HPSE2: variants seen among roughly 807,000 people sequenced by gnomAD.
The protein encoded by HPSE2 is inactive heparanase-2.
HPSE2 carries 38 observed loss-of-function variants against 60.5 expected under a neutral mutation model. The observed-to-expected ratio is 0.63, with a 90% CI of 0.48 to 0.82. The LOEUF (loss-of-function observed/expected upper bound fraction) is 0.82. Among genes scored for constraint, HPSE2 ranks in the 40% least tolerant of loss-of-function variants. The probability of loss-of-function intolerance (pLI) is 0.00; values close to 1 mark genes in which losing one functional copy is unlikely to be tolerated. For missense variants in HPSE2, 713 were observed against 740.4 expected, an observed-to-expected ratio of 0.96 and a Z score of 0.43; for synonymous variants, 295 against 293.2, an observed-to-expected ratio of 1.01 and a Z score of -0.06.
Position 99,011,754 on chromosome 10 carries a change from C to CAAAAA in HPSE2, c.610+132479_610+132483dup, listed in dbSNP as rs5787319. Among the ~76,000 whole-genome samples, 160 of 92,844 alleles carry CAAAAA rather than the reference C, an allele frequency of 1.7e-3. 2 individuals are homozygous for CAAAAA. Among genetic ancestry groups the CAAAAA allele is most frequent in the African/African-American group, 6.2e-3 (138 of 22,252 alleles). The allele number at this position is 92,844 out of a possible 152,430, so 60.9% of individuals were successfully genotyped here. On this transcript the variant is annotated intron_variant, in intron 3 of 11. Coordinates refer to ENST00000370552, the MANE Select transcript of HPSE2 (RefSeq NM_021828.5). The stretch of plus-strand genomic sequence containing the variant: ...CTGGCGACAGAGCAAGACTCCATCT[C>CAAAAA]AAAAAAAAAAAAAAAAAAAATGCTC...
chr10:99,179,418 G>A (rs1267081313), intron 2 of HPSE2, among the ~76,000 whole-genome samples: 5 of 152,006 alleles, frequency 3.3e-5, no homozygotes, highest in Non-Finnish European at 5.9e-5. Context: ...GCAAGGTCTC[G>A]GATACAAAAT....
At chr10:99,132,208 AGAGAGAGAG>A (rs1845448156) in intron 3 of HPSE2, among the ~76,000 whole-genome samples, 1 of 22,808 alleles carries the variant, frequency 4.4e-5, no homozygotes, top group African/African-American at 6.8e-5. Context: ...AGAGAGAGAG[AGAGAGAGAG>A]AGAGAGAGAG....
intron 3 of HPSE2, among the ~76,000 whole-genome samples, chr10:99,018,626 A>G (rs1053941266): frequency 1.3e-5 from 2 of 152,248 alleles, no homozygotes; most frequent in Non-Finnish European, 2.9e-5. Flanking sequence ...AAAGATGTAC[A>G]GGTGCCAAAA....
At chr10:98,974,846 C>T (rs988175138) in intron 3 of HPSE2, among the ~76,000 whole-genome samples, 3 of 151,904 alleles carry the variant, frequency 2.0e-5, no homozygotes, top group East Asian at 1.9e-4. Flanking sequence ...TTGTATGTAG[C>T]GGTACTAATA....
intron 2 of HPSE2, among the ~76,000 whole-genome samples, chr10:99,202,736 C>A (rs764421762): frequency 2.0e-5 from 3 of 152,096 alleles, no homozygotes; most frequent in Non-Finnish European, 2.9e-5. Flanking sequence ...CACTCATCAC[C>A]CCTATAGACA....
At chr10:98,957,988 G>C (rs943584010) in intron 3 of HPSE2, among the ~76,000 whole-genome samples, 1 of 152,132 alleles carries the variant, frequency 6.6e-6, no homozygotes, top group Non-Finnish European at 1.5e-5. Flanking sequence ...GCAGAGAGAA[G>C]AAAGGGAACA....
At chr10:99,297,340 C>G in the HPSE2 span, among the ~76,000 whole-genome samples, 1 of 152,218 alleles carries the variant, frequency 6.6e-6, no homozygotes, top group Non-Finnish European at 1.5e-5. Context: ...CACCAAGGTC[C>G]CACACTAAAA....
At chr10:98,976,835 C>T (rs1328505618) in intron 3 of HPSE2, among the ~76,000 whole-genome samples, 12 of 151,916 alleles carry the variant, frequency 7.9e-5, no homozygotes, top group African/African-American at 2.9e-4. Flanking sequence ...TGTAATTAAG[C>T]ATTTGAAATG....
intron 3 of HPSE2, among the ~76,000 whole-genome samples, chr10:99,065,417 T>C (rs1842582365): frequency 2.0e-5 from 3 of 152,046 alleles, no homozygotes; most frequent in Non-Finnish European, 2.9e-5. Flanking sequence ...CAAATTTACA[T>C]TGATTAGTAA....
At chr10:98,616,009 A>G (rs1357946916) in intron 8 of HPSE2, among the ~76,000 whole-genome samples, 1 of 152,140 alleles carries the variant, frequency 6.6e-6, no homozygotes, top group Admixed American at 6.6e-5. Flanking sequence ...TGGCTACCCA[A>G]ATACACATTG....
chr10:99,307,947 A>G, the HPSE2 span, among the ~76,000 whole-genome samples: 3 of 152,102 alleles, frequency 2.0e-5, no homozygotes, highest in Non-Finnish European at 4.4e-5. Flanking sequence ...TTTGGAAACC[A>G]CTTTGGCAGT....
At chr10:98,570,209 G>A (rs567872034) in intron 9 of HPSE2, among the ~76,000 whole-genome samples, 1 of 152,176 alleles carries the variant, frequency 6.6e-6, no homozygotes, top group Non-Finnish European at 1.5e-5. Context: ...CTTGAAGGCA[G>A]TCTTCCCCTA....
At chr10:98,857,065 C>T (rs921278377) in intron 3 of HPSE2, among the ~76,000 whole-genome samples, 1 of 152,142 alleles carries the variant, frequency 6.6e-6, no homozygotes, top group African/African-American at 2.4e-5. Flanking sequence ...GTCTTAATCA[C>T]AAAATGTTAG....
chr10:98,829,750 G>T (rs941974610), intron 3 of HPSE2, among the ~76,000 whole-genome samples: 10 of 151,838 alleles, frequency 6.6e-5, no homozygotes, highest in Admixed American at 2.6e-4. Flanking sequence ...TTAATACATG[G>T]GCTGGATTGC....
chr10:98,821,664 C>T lies in HPSE2; in HGVS notation c.611-77608G>A, dbSNP rs181061529. On this transcript the variant is annotated intron_variant, in intron 3 of 11. Transcript: ENST00000370552. ...CAGCCGTTACGCCTTTGGGGTTGTTCGTGATTTTGGTGTGCTTTGGAAACA... is the reference window on the plus strand; with the variant it reads ...CAGCCGTTACGCCTTTGGGGTTGTTTGTGATTTTGGTGTGCTTTGGAAACA... Among the ~76,000 whole-genome samples the T allele has an allele frequency of 3.6e-3, 544 of 152,230 alleles. 3 individuals are homozygous for T. The highest frequency in any genetic ancestry group is 0.01 in the African/African-American group (431 of 41,534).
At chr10:98,589,583 C>T (rs1945031780) in intron 9 of HPSE2, among the ~76,000 whole-genome samples, 1 of 152,158 alleles carries the variant, frequency 6.6e-6, no homozygotes, top group Admixed American at 6.5e-5. Context: ...AGAAATCAGC[C>T]CTCTCATACA....
intron 3 of HPSE2, among the ~76,000 whole-genome samples, chr10:98,936,604 G>T (rs1954798562): frequency 1.4e-5 from 2 of 143,486 alleles, no homozygotes; most frequent in South Asian, 4.2e-4. Flanking sequence ...TCTTCCCTAT[G>T]AGAGCTTTTA....
chr10:99,239,800 T>G (rs1307156699), upstream of HPSE2, among the ~76,000 whole-genome samples: 1 of 152,058 alleles, frequency 6.6e-6, no homozygotes, highest in Non-Finnish European at 1.5e-5. Flanking sequence ...TCTCTATTAC[T>G]TTCCAAAAGA....
chr10:99,105,800 G>T (rs544278377), intron 3 of HPSE2, among the ~76,000 whole-genome samples: 1 of 152,034 alleles, frequency 6.6e-6, no homozygotes, highest in South Asian at 2.1e-4. Flanking sequence ...AACTTCGTGT[G>T]TGGTCTGAGG....
Sources: allele counts gnomAD v4.1 joint callset (sites outside exome capture counted in the v4.1 genomes callset), GRCh38; gene constraint gnomAD v4.1.1; transcripts MANE v1.5; gene names NCBI Gene and HGNC (gene_info 2026-07-23, HGNC 2026-07-21).